Variants in OPCML observed in about 807,000 individuals in gnomAD.
OPCML encodes opioid-binding protein/cell adhesion molecule.
OPCML carries 13 observed loss-of-function variants against 37.8 expected under a neutral mutation model. The ratio of observed to expected loss-of-function variants is 0.34; its 90% CI spans 0.22 to 0.55. The LOEUF (loss-of-function observed/expected upper bound fraction) is 0.55, where lower values mean the gene tolerates loss of function less well. Among genes scored for constraint, OPCML ranks in the 20% least tolerant of loss-of-function variants. The pLI is 0.91. For missense variants in OPCML, 341 were observed against 435.6 expected, an observed-to-expected ratio of 0.78 and a Z score of 1.93; for synonymous variants, 176 against 168.8, an observed-to-expected ratio of 1.04 and a Z score of -0.33.
chr11:133,110,093 C>T (rs891609467), intron 1 of OPCML, among the ~76,000 whole-genome samples: 4 of 152,130 alleles, frequency 2.6e-5, no homozygotes, highest in Non-Finnish European at 4.4e-5. Flanking sequence ...CATAGGACAA[C>T]CCTGTACCTA....
intron 4 of OPCML, among the ~76,000 whole-genome samples, chr11:132,523,595 G>T (rs2096299999): frequency 6.6e-6 from 1 of 152,008 alleles, no homozygotes; most frequent in South Asian, 2.1e-4. Context: ...TTGAATGGAA[G>T]AAAGAAAAAA....
intron 2 of OPCML, among the ~76,000 whole-genome samples, chr11:132,843,306 T>G (rs766525296): frequency 6.6e-6 from 1 of 151,958 alleles, no homozygotes; most frequent in Non-Finnish European, 1.5e-5. Flanking sequence ...TTCATGTTGG[T>G]CAGGCTGGTC....
chr11:132,555,683 G>A (rs952850602), intron 3 of OPCML, among the ~76,000 whole-genome samples: 6 of 152,116 alleles, frequency 3.9e-5, no homozygotes, highest in African/African-American at 2.4e-5. Flanking sequence ...GAATGAAGGC[G>A]CGTAGACTTC....
chr11:132,551,335 G>A (rs1301491816), intron 3 of OPCML, among the ~76,000 whole-genome samples: 1 of 152,206 alleles, frequency 6.6e-6, no homozygotes, highest in African/African-American at 2.4e-5. Context: ...CCTCCAAGCT[G>A]TCCTTGTTCA....
At chr11:133,125,617 GTAGTATC>G (rs1374905751) in intron 1 of OPCML, among the ~76,000 whole-genome samples, 1 of 143,826 alleles carries the variant, frequency 7.0e-6, no homozygotes, top group Non-Finnish European at 1.5e-5. Flanking sequence ...TACACTATAT[GTAGTATC>G]TAGTATATAG....
rs528384274 is a variant in OPCML at position 133,151,272 on chromosome 11, C to CAAT, written c.62-208265_62-208263dup. 9.2e-3 allele frequency among the ~76,000 whole-genome samples: 1,391 copies of CAAT among 151,040 alleles called. 24 individuals are homozygous for CAAT. Among genetic ancestry groups the CAAT allele is most frequent in the Non-Finnish European group, 0.012 (797 of 67,770 alleles). On this transcript the variant is annotated intron_variant, in intron 1 of 7. Transcript: ENST00000524381. ...TGGGCAACAGAGCGAGACTCTGTCT[C>CAAT]AATAATAATAATAATAATAATTCAT...
intron 1 of OPCML, among the ~76,000 whole-genome samples, chr11:133,094,347 C>T (rs1210664101): frequency 6.6e-6 from 1 of 152,078 alleles, no homozygotes; most frequent in Non-Finnish European, 1.5e-5. Flanking sequence ...CTGAAAATTC[C>T]ATACTAAAAA....
At chr11:133,334,444 T>C (rs1270028222) in intron 1 of OPCML, among the ~76,000 whole-genome samples, 2 of 152,016 alleles carry the variant, frequency 1.3e-5, no homozygotes, top group African/African-American at 4.8e-5. Flanking sequence ...AGCTAAATGA[T>C]GAGAACTCAT....
chr11:133,209,657 AAC>A (rs565919798), intron 1 of OPCML, among the ~76,000 whole-genome samples: 207 of 152,328 alleles, frequency 1.4e-3, no homozygotes, highest in African/African-American at 4.6e-3. Context: ...CCCGGCTCCT[AAC>A]ACAGTGCACA....
rs144796667 is a variant in OPCML at position 133,223,227 on chromosome 11, G to C, written c.62-280217C>G. On this transcript the variant is annotated intron_variant, in intron 1 of 7. Transcript: ENST00000524381. ...TTCACCGCCCAGTGCAATGATTTCA[G>C]ATTTGGAAATGGCTTCTAACAGGAG... Among the ~76,000 whole-genome samples the C allele has an allele frequency of 4.2e-4, 64 of 152,316 alleles. No individual in the cohort carries two copies. The East Asian group carries it at 0.012, about 28-fold the overall frequency.
At chr11:132,570,572 C>G (rs950895832) in intron 3 of OPCML, among the ~76,000 whole-genome samples, 4 of 151,132 alleles carry the variant, frequency 2.6e-5, no homozygotes, top group African/African-American at 7.3e-5. Context: ...TATCTTTAAA[C>G]TAGTAAATTC....
intron 1 of OPCML, among the ~76,000 whole-genome samples, chr11:133,172,783 A>G (rs1950305329): frequency 2.0e-5 from 3 of 152,224 alleles, no homozygotes; most frequent in Admixed American, 1.3e-4. Context: ...AACACAGGAG[A>G]AAGAGCTGGG....
intron 1 of OPCML, among the ~76,000 whole-genome samples, chr11:132,977,767 A>G (rs2136777457): frequency 6.6e-6 from 1 of 152,222 alleles, no homozygotes; most frequent in African/African-American, 2.4e-5. Flanking sequence ...ATTTAATTCA[A>G]TTCCAAAAAG....
chr11:132,445,310 G>A (rs545593434), intron 4 of OPCML, among the ~76,000 whole-genome samples: 11 of 152,180 alleles, frequency 7.2e-5, no homozygotes, highest in African/African-American at 2.7e-4. Flanking sequence ...GAGAATGATG[G>A]AAGTGTTTAA....
intron 1 of OPCML, among the ~76,000 whole-genome samples, chr11:133,002,179 C>T (rs1947018010): frequency 6.6e-6 from 1 of 152,198 alleles, no homozygotes; most frequent in Non-Finnish European, 1.5e-5. Context: ...TGGATCTAGG[C>T]ACTTTCCCTT....
At chr11:132,702,431 T>G (rs3018395) in intron 2 of OPCML, among the ~76,000 whole-genome samples, 76,329 of 152,020 alleles carry the variant, frequency 0.5, 19,339 homozygotes, top group Admixed American at 0.57. Context: ...TTATGGGAGT[T>G]GGGGGAGGGT....
rs903742755 is a variant in OPCML, at chr11:133,340,585, T to C, written c.61+191679A>G. On this transcript the variant is annotated intron_variant, in intron 1 of 7. Coordinates refer to ENST00000524381, the MANE Select transcript of OPCML (RefSeq NM_001012393.5). ...ATAGCTGATCTCTATATAACTACTC[T>C]AGCCCACAAATTAAGACTCTCTCTG... Among the ~76,000 whole-genome samples, 3 of 150,558 alleles carry C rather than the reference T, an allele frequency of 2.0e-5. No homozygotes were observed. In the East Asian group the frequency reaches 5.9e-4, roughly 30 times the overall value.
At chr11:132,838,310 G>A (rs1342717516) in intron 2 of OPCML, among the ~76,000 whole-genome samples, 1 of 152,192 alleles carries the variant, frequency 6.6e-6, no homozygotes, top group Non-Finnish European at 1.5e-5. Context: ...AATTTGAATA[G>A]CAGTATATTC....
chr11:132,452,829 A>C (rs993694454), intron 4 of OPCML, among the ~76,000 whole-genome samples: 1 of 152,228 alleles, frequency 6.6e-6, no homozygotes, highest in Non-Finnish European at 1.5e-5. Context: ...CTCACCAGCC[A>C]GACGGGCAGC....
Sources: gnomAD v4.1 joint callset for allele counts (sites outside exome capture counted in the v4.1 genomes callset) on GRCh38, gnomAD v4.1.1 for gene constraint, MANE v1.5 for transcripts, NCBI Gene and HGNC (gene_info 2026-07-23, HGNC 2026-07-21) for gene names.